The following ADAMTS3 variants were observed in gnomAD, a reference collection of about 807,000 sequenced individuals.
ADAMTS3 encodes the protein ADAM metallopeptidase with thrombospondin type 1 motif 3.
A neutral mutation model predicts 129.0 loss-of-function variants in ADAMTS3; 73 were observed. The ratio of observed to expected loss-of-function variants is 0.57; its 90% confidence interval spans 0.47 to 0.69. The LOEUF is 0.69. ADAMTS3 is among the 30% of genes least tolerant of loss of function. The pLI is 0.00. For synonymous variants in ADAMTS3, 477 were observed against 510.8 expected (o/e 0.93, Z 0.89); for missense variants, 1,457 against 1,514.5 (o/e 0.96, Z 0.63).
At chr4:72,501,689 T>C (rs927894443) in intron 3 of ADAMTS3, among the ~76,000 whole-genome samples, 8 of 152,150 alleles carry the variant, frequency 5.3e-5, no homozygotes, top group African/African-American at 1.9e-4. Flanking sequence ...CTGTTCCTGT[T>C]CTCAAGGGGA....
intron 4 of ADAMTS3, among the ~76,000 whole-genome samples, chr4:72,369,964 A>T (rs1017407944): frequency 1.3e-5 from 2 of 152,198 alleles, no homozygotes; most frequent in Non-Finnish European, 2.9e-5. Context: ...GGACACAAAT[A>T]ATGGTCACCA....
intron 4 of ADAMTS3, among the ~76,000 whole-genome samples, chr4:72,404,204 G>T (rs1312594302): frequency 6.6e-6 from 1 of 151,922 alleles, no homozygotes; most frequent in South Asian, 2.1e-4. Context: ...AGGACCCTTG[G>T]TAGCCAAAAT....
intron 3 of ADAMTS3, among the ~76,000 whole-genome samples, chr4:72,490,078 A>G (rs996468824): frequency 2.0e-5 from 3 of 151,832 alleles, no homozygotes; most frequent in Non-Finnish European, 2.9e-5. Context: ...GCGATATCTC[A>G]CTGTGAGTTT....
At position 72,313,769 on chromosome 4, in the gene ADAMTS3, A is replaced by G. The variant is rs746235119; in HGVS notation, c.1653T>C (p.Asp551=). The part of the protein sequence containing the change: ...MWKNANQQKQ[D]GNWGSWTKFG... The stretch of plus-strand genomic sequence containing the variant: ...ATTTAGTCCATGACCCCCAATTGCC[A>G]TCTTGTTTTTGCTGATTAGCATTCT... The change falls in exon 12 of 22, where the codon GAT becomes GAC. Residue 551 remains aspartate, a synonymous_variant. Coordinates refer to ENST00000286657, the MANE Select transcript of ADAMTS3 (RefSeq NM_014243.3). 4.3e-6 allele frequency: 7 copies of G among 1,613,866 alleles called. No individual in the cohort carries two copies. The highest frequency in any genetic ancestry group is 5.9e-6 in the Non-Finnish European group (7 of 1,179,874).
chr4:72,399,395 C>T (rs141428641), intron 4 of ADAMTS3, among the ~76,000 whole-genome samples: 45 of 151,932 alleles, frequency 3.0e-4, no homozygotes, highest in East Asian at 2.5e-3. Flanking sequence ...ATTATGCCAC[C>T]GCACTCCAGC....
chr4:72,404,271 A>G (rs892540902), intron 4 of ADAMTS3, among the ~76,000 whole-genome samples: 2 of 152,088 alleles, frequency 1.3e-5, no homozygotes, highest in African/African-American at 4.8e-5. Flanking sequence ...TTCAAAATCT[A>G]TAACCAAGCA....
intron 3 of ADAMTS3, among the ~76,000 whole-genome samples, chr4:72,478,976 C>A (rs1719338150): frequency 6.6e-6 from 1 of 152,114 alleles, no homozygotes; most frequent in Non-Finnish European, 1.5e-5. Context: ...CTTAGGAATC[C>A]TACTTACAAG....
intron 3 of ADAMTS3, among the ~76,000 whole-genome samples, chr4:72,489,543 G>A (rs906965053): frequency 1.3e-5 from 2 of 151,806 alleles, no homozygotes; most frequent in African/African-American, 4.8e-5. Context: ...CCATATCATA[G>A]CCCAATAATC....
intron 3 of ADAMTS3, among the ~76,000 whole-genome samples, chr4:72,528,295 T>C (rs1408757638): frequency 2.0e-5 from 3 of 152,022 alleles, no homozygotes; most frequent in African/African-American, 7.2e-5. Flanking sequence ...ACACACTATA[T>C]ATCTACTATT....
At chr4:72,375,154 C>T (rs949877035) in intron 4 of ADAMTS3, among the ~76,000 whole-genome samples, 1 of 152,114 alleles carries the variant, frequency 6.6e-6, no homozygotes, top group Non-Finnish European at 1.5e-5. Context: ...AGGCTTTATG[C>T]GAGGCACTGT....
intron 3 of ADAMTS3, among the ~76,000 whole-genome samples, chr4:72,440,013 T>C (rs897201056): frequency 6.6e-6 from 1 of 151,732 alleles, no homozygotes; most frequent in African/African-American, 2.4e-5. Context: ...TCAAAATATA[T>C]GCAGAAAATC....
At chr4:72,523,177 A>G (rs1399570147) in intron 3 of ADAMTS3, among the ~76,000 whole-genome samples, 1 of 152,124 alleles carries the variant, frequency 6.6e-6, no homozygotes, top group African/African-American at 2.4e-5. Flanking sequence ...ACAGTGTACA[A>G]TCTACATTTG....
At chr4:72,331,900 A>C (rs1356846397) in intron 5 of ADAMTS3, among the ~76,000 whole-genome samples, 1 of 152,172 alleles carries the variant, frequency 6.6e-6, no homozygotes, top group Non-Finnish European at 1.5e-5. Flanking sequence ...GAATCCCTTG[A>C]AGATTAATAT....
chr4:72,486,046 T>C (rs1719582983), intron 3 of ADAMTS3, among the ~76,000 whole-genome samples: 1 of 152,224 alleles, frequency 6.6e-6, no homozygotes, highest in South Asian at 2.1e-4. Flanking sequence ...CATTCTTACA[T>C]GTTTCCATAT....
At chr4:72,541,427 C>A (rs183158026) in intron 3 of ADAMTS3, among the ~76,000 whole-genome samples, 1 of 152,104 alleles carries the variant, frequency 6.6e-6, no homozygotes, top group Non-Finnish European at 1.5e-5. Flanking sequence ...CTTTGGACTG[C>A]GGACTTTTGA....
At chr4:72,379,522 C>A (rs1160253837) in intron 4 of ADAMTS3, among the ~76,000 whole-genome samples, 1 of 151,306 alleles carries the variant, frequency 6.6e-6, no homozygotes, top group Non-Finnish European at 1.5e-5. Context: ...CACTAACAGT[C>A]CATGATTTCA....
chr4:72,298,571 T>A (rs1411610410), intron 17 of ADAMTS3, 129 bp from the exon 18 acceptor site: 2 of 681,380 alleles, frequency 2.9e-6, no homozygotes, highest in South Asian at 6.0e-5. Context: ...AAAATTATAA[T>A]GTTTTTATTT....
In ADAMTS3 at chr4:72,568,817, C is replaced by T. The variant is rs1348358321; in HGVS notation, c.-55G>A. The T allele has an allele frequency of 1.6e-5, 17 of 1,079,838 alleles. No individual in the cohort carries two copies. Among genetic ancestry groups the T allele is most frequent in the African/African-American group, 1.9e-5 (1 of 51,440 alleles). 66.9% of individuals were successfully genotyped at this position (1,079,838 alleles called of 1,614,324 possible). On this transcript the variant is annotated 5_prime_UTR_variant, in exon 1 of 22. Transcript: ENST00000286657. ...GGCAAAGCAAATGCCCAGAGCAAAC[C>T]CACCCCCCCCGCCCAAAATAAGTTT...
chr4:72,481,351 C>A (rs1004403874), intron 3 of ADAMTS3, among the ~76,000 whole-genome samples: 2 of 152,104 alleles, frequency 1.3e-5, no homozygotes, highest in Admixed American at 6.5e-5. Context: ...GGGATAAATA[C>A]ATAGCCCAAT....
Sources: gnomAD v4.1 joint callset for allele counts (sites outside exome capture counted in the v4.1 genomes callset) on GRCh38, gnomAD v4.1.1 for gene constraint, MANE v1.5 for transcripts, NCBI Gene and HGNC (gene_info 2026-07-23, HGNC 2026-07-21) for gene names.